Variants in KCNH1 observed in about 807,000 individuals in gnomAD.
KCNH1 encodes voltage-gated delayed rectifier potassium channel KCNH1.
KCNH1 carries 27 observed loss-of-function variants against 69.2 expected under a neutral mutation model. The ratio of observed to expected loss-of-function variants is 0.39; its 90% CI spans 0.29 to 0.54. The LOEUF is 0.54. KCNH1 is among the 20% of genes least tolerant of loss of function. The pLI is 0.68. For synonymous variants in KCNH1, 456 were observed against 487.7 expected, an observed-to-expected ratio of 0.93 and a Z score of 0.86; for missense variants, 798 against 1,261.6, an observed-to-expected ratio of 0.63 and a Z score of 5.57.
At chr1:210,772,019 T>C (rs1317144924) in intron 10 of KCNH1, among the ~76,000 whole-genome samples, 1 of 152,200 alleles carries the variant, frequency 6.6e-6, no homozygotes, top group Non-Finnish European at 1.5e-5. Context: ...GTTCATACCC[T>C]TGGATTTAGG....
At chr1:210,706,505 C>T (rs575684489) in intron 10 of KCNH1, among the ~76,000 whole-genome samples, 2 of 152,252 alleles carry the variant, frequency 1.3e-5, no homozygotes, top group Non-Finnish European at 1.5e-5. Flanking sequence ...GACTCAGAAC[C>T]TGTTTGATGG....
intron 10 of KCNH1, among the ~76,000 whole-genome samples, chr1:210,719,887 G>A (rs1008907380): frequency 6.6e-6 from 1 of 152,202 alleles, no homozygotes; most frequent in South Asian, 2.1e-4. Flanking sequence ...GTGAGACAAA[G>A]AGGTTCAAAC....
At chr1:210,989,883 C>T (rs1688907871) in intron 6 of KCNH1, among the ~76,000 whole-genome samples, 1 of 152,104 alleles carries the variant, frequency 6.6e-6, no homozygotes, top group Non-Finnish European at 1.5e-5. Flanking sequence ...TTGTAACTAG[C>T]CCAATTTATT....
At chr1:210,948,328 T>G (rs1017542353) in intron 6 of KCNH1, among the ~76,000 whole-genome samples, 2 of 152,140 alleles carry the variant, frequency 1.3e-5, no homozygotes, top group African/African-American at 4.8e-5. Context: ...AGAAAAGCTG[T>G]AGACAAAAAT....
At chr1:210,985,440 A>G (rs1229885867) in intron 6 of KCNH1, among the ~76,000 whole-genome samples, 1 of 151,898 alleles carries the variant, frequency 6.6e-6, no homozygotes, top group Non-Finnish European at 1.5e-5. Flanking sequence ...ATTTCCCTCT[A>G]CACACTGCTT....
At chr1:210,808,607 G>C (rs1250733149) in intron 7 of KCNH1, among the ~76,000 whole-genome samples, 1 of 151,646 alleles carries the variant, frequency 6.6e-6, no homozygotes, top group African/African-American at 2.4e-5. Context: ...TGTTGCCCAG[G>C]CTGGTCTCGA....
chr1:210,993,919 T>TA (rs911242134), intron 6 of KCNH1, among the ~76,000 whole-genome samples: 19 of 150,448 alleles, frequency 1.3e-4, no homozygotes, highest in East Asian at 3.9e-4. Flanking sequence ...GAAGGTAATA[T>TA]AAAAAAAAAT....
At chr1:210,999,433 G>C (rs1196932628) in intron 6 of KCNH1, among the ~76,000 whole-genome samples, 1 of 152,032 alleles carries the variant, frequency 6.6e-6, no homozygotes, top group Non-Finnish European at 1.5e-5. Flanking sequence ...ATAAATTCCT[G>C]GACACATACA....
In KCNH1 at chr1:210,891,534, T is replaced by C. The variant is rs563994204; in HGVS notation, c.1462+28106A>G. 4.8e-5 allele frequency among the ~76,000 whole-genome samples: 7 copies of C among 146,864 alleles called. No homozygotes were observed. In the South Asian group the frequency reaches 1.5e-3, roughly 32 times the overall value. On this transcript the variant is annotated intron_variant, in intron 7 of 10. Transcript: ENST00000271751. ...TGCACACATACCCTAGAACTTAAAG[T>C]ATAATTAAAAAAAAAAAAAGTCAGG...
chr1:211,107,177 G>A lies in KCNH1; in HGVS notation c.203+77C>T, dbSNP rs72741104. On this transcript the variant is annotated intron_variant, in intron 2 of 10. Transcript: ENST00000271751. ...ACTAAATGAGGTAAAGGCAATTCCC[G>A]AATGCAGTAAACCATTTTCTTTTTC... 1.7e-3 allele frequency: 2,546 copies of A among 1,534,734 alleles called. 6 individuals are homozygous for A. Among genetic ancestry groups the A allele is most frequent in the South Asian group, 2.8e-3 (246 of 87,312 alleles).
chr1:210,732,737 C>T (rs919606291), intron 10 of KCNH1, among the ~76,000 whole-genome samples: 3 of 152,242 alleles, frequency 2.0e-5, no homozygotes, highest in Non-Finnish European at 4.4e-5. Flanking sequence ...GTCTGCTTCA[C>T]AGACAGCACG....
At chr1:210,880,654 T>C (rs988874199) in intron 7 of KCNH1, among the ~76,000 whole-genome samples, 11 of 152,092 alleles carry the variant, frequency 7.2e-5, no homozygotes, top group African/African-American at 2.7e-4. Flanking sequence ...GGAGAAAATC[T>C]AGATCATCTC....
At chr1:210,814,957 T>C (rs914428077) in intron 7 of KCNH1, among the ~76,000 whole-genome samples, 1 of 152,172 alleles carries the variant, frequency 6.6e-6, no homozygotes, top group African/African-American at 2.4e-5. Context: ...AGTGGATGCA[T>C]TCAATTTGTT....
chr1:210,912,186 G>A (rs114299454), intron 7 of KCNH1, among the ~76,000 whole-genome samples: 2,603 of 152,216 alleles, frequency 0.017, 73 homozygotes, highest in African/African-American at 0.059. Flanking sequence ...AGTATGACCT[G>A]GCATGTCTTG....
chr1:210,862,148 C>G, intron 7 of KCNH1: 1 of 1,342,392 alleles, frequency 7.4e-7, no homozygotes, highest in African/African-American at 1.4e-5. Flanking sequence ...TCCAGCTGTT[C>G]CGACATAGTA....
At chr1:210,865,379 T>A (rs1183607811) in intron 7 of KCNH1, among the ~76,000 whole-genome samples, 1 of 152,230 alleles carries the variant, frequency 6.6e-6, no homozygotes, top group African/African-American at 2.4e-5. Context: ...GTCATATAGT[T>A]TTTAAGCACC....
intron 6 of KCNH1, among the ~76,000 whole-genome samples, chr1:210,972,309 G>T (rs1413394974): frequency 6.6e-6 from 1 of 152,046 alleles, no homozygotes; most frequent in Non-Finnish European, 1.5e-5. Flanking sequence ...TCTAAGACTT[G>T]CAGACTAGAT....
At chr1:211,036,039 C>T (rs1010077766) in intron 5 of KCNH1, among the ~76,000 whole-genome samples, 1 of 152,144 alleles carries the variant, frequency 6.6e-6, no homozygotes, top group Non-Finnish European at 1.5e-5. Flanking sequence ...ACTGAGATGA[C>T]AAGTACTGCC....
intron 6 of KCNH1, among the ~76,000 whole-genome samples, chr1:210,934,594 G>A (rs1037924229): frequency 5.9e-5 from 9 of 151,836 alleles, no homozygotes; most frequent in East Asian, 3.9e-4. Context: ...AGCCGAAAGC[G>A]TGCCACTGCA....
Sources: gnomAD v4.1 joint callset for allele counts (sites outside exome capture counted in the v4.1 genomes callset) on GRCh38, gnomAD v4.1.1 for gene constraint, MANE v1.5 for transcripts, NCBI Gene and HGNC (gene_info 2026-07-23, HGNC 2026-07-21) for gene names.